DNAH9: variants seen among roughly 807,000 people sequenced by gnomAD.
The protein encoded by DNAH9 is DNAH9 variant protein.
In DNAH9, 345 loss-of-function variants were observed where a neutral mutation model predicts 471.6. The ratio of observed to expected loss-of-function variants is 0.73; its 90% CI spans 0.67 to 0.80. The LOEUF (loss-of-function observed/expected upper bound fraction) is 0.80, where lower values mean the gene tolerates loss of function less well. DNAH9 is among the 30% of genes least tolerant of loss of function. DNAH9 has a pLI of 0.00. For missense variants in DNAH9, 5,407 were observed against 5,609.2 expected (o/e 0.96, Z 1.15); for synonymous variants, 2,093 against 2,123.6 (o/e 0.99, Z 0.40).
At chr17:11,857,413 G>A (rs1971664800) in intron 50 of DNAH9, among the ~76,000 whole-genome samples, 1 of 152,082 alleles carries the variant, frequency 6.6e-6, no homozygotes, top group Non-Finnish European at 1.5e-5. Flanking sequence ...AATAACACAG[G>A]AGATGGGCTA....
In DNAH9 at chr17:11,942,372, A is replaced by T. The variant is rs750058898; in HGVS notation, c.12730A>T (p.Lys4244Ter). 8 of 1,614,110 alleles carry T rather than the reference A, an allele frequency of 5.0e-6. No homozygotes were observed. Among genetic ancestry groups the T allele is most frequent in the Non-Finnish European group, 5.9e-6 (7 of 1,180,046 alleles). The stretch of plus-strand genomic sequence containing the variant: ...GTTTAACATCCCAGAACTGATGGCC[A>T]AAGTGGAGGAGCGCACCCCTTACAT... ...DEFNIPELMAKVEERTPYIVV... is the reference protein window; with the variant it reads ...DEFNIPELMA Residue 4244 changes from lysine to a stop codon, truncating the protein, a stop_gained, in exon 67 of 69, where the codon AAA becomes TAA. Transcript: ENST00000262442. LOFTEE classifies it high-confidence loss of function.
chr17:11,859,565 C>A (rs1971765517), intron 50 of DNAH9, among the ~76,000 whole-genome samples: 1 of 152,092 alleles, frequency 6.6e-6, no homozygotes, highest in African/African-American at 2.4e-5. Flanking sequence ...TAAAGAAATA[C>A]CTGAGGCTGG....
intron 7 of DNAH9, among the ~76,000 whole-genome samples, chr17:11,632,030 G>A (rs1275600614): frequency 3.9e-5 from 6 of 152,056 alleles, no homozygotes; most frequent in African/African-American, 1.2e-4. Flanking sequence ...TGAGTGCCTC[G>A]TAGTTTTATT....
intron 61 of DNAH9, among the ~76,000 whole-genome samples, chr17:11,912,397 G>T (rs1373240908): frequency 6.6e-6 from 1 of 151,976 alleles, no homozygotes; most frequent in Admixed American, 6.6e-5. Flanking sequence ...TGATCTAAGG[G>T]GAAAAAAATC....
chr17:11,840,977 G>A (rs576792927), intron 49 of DNAH9, among the ~76,000 whole-genome samples: 4 of 152,186 alleles, frequency 2.6e-5, no homozygotes, highest in East Asian at 3.9e-4. Context: ...AACTTCTTAC[G>A]GAAACAATAG....
Position 11,705,039 on chromosome 17 carries a change from G to T in DNAH9, c.5406G>T (p.Gln1802His). Residue 1802 changes from glutamine (Q) to histidine (H), a missense_variant, in exon 26 of 69, where the codon CAG (glutamine) becomes CAT (histidine). This residue lies in a region of DNAH9 where 4,636 missense variants were observed against 4,900.3 expected (regional missense o/e 0.95). Transcript: ENST00000262442. Reference sequence around the variant, plus strand: ...TCTCTCTTTAGGTAGACAATGCCCAGGCTTTCCTCTGGCTGTCTCAGCTGC... The same window carrying T: ...TCTCTCTTTAGGTAGACAATGCCCATGCTTTCCTCTGGCTGTCTCAGCTGC... ...KMIAQKVDNA[Q>H]AFLWLSQLRH... 1 of 1,614,184 alleles carries T rather than the reference G, an allele frequency of 6.2e-7. No homozygotes were observed. The highest frequency in any genetic ancestry group is 8.5e-7 in the Non-Finnish European group (1 of 1,180,004).
chr17:11,968,248 T>C (rs1192811754), intron 68 of DNAH9, among the ~76,000 whole-genome samples: 1 of 152,218 alleles, frequency 6.6e-6, no homozygotes, highest in Non-Finnish European at 1.5e-5. Context: ...GCCATACACA[T>C]TCATCTCTAT....
At chr17:11,923,602 C>A (rs529057263) in intron 61 of DNAH9, among the ~76,000 whole-genome samples, 2 of 152,176 alleles carry the variant, frequency 1.3e-5, no homozygotes, top group Non-Finnish European at 2.9e-5. Flanking sequence ...TGAGCCACTG[C>A]GCCCGGCTCA....
At position 11,651,396 on chromosome 17, in the gene DNAH9, C is replaced by A. The variant is rs535527833; in HGVS notation, c.2353+72C>A. The A allele has an allele frequency of 1.2e-4, 167 of 1,431,992 alleles. 1 individual carries two copies. The African/African-American group carries it at 2.1e-3, about 18-fold the overall frequency. The allele number at this position is 1,431,992 out of a possible 1,614,324, so 88.7% of individuals were successfully genotyped here. On this transcript the variant is annotated intron_variant, in intron 13 of 68. Transcript: ENST00000262442. ...GATCTAATAAAGTTCATAGAACCTC[C>A]AATTATTCCCTGGTAATCTTATTTG...
intron 49 of DNAH9, chr17:11,853,224 T>C (rs1567849400): frequency 6.6e-6 from 1 of 151,938 alleles, no homozygotes; most frequent in Admixed American, 6.6e-5. Context: ...CAACAGAAAA[T>C]TAGAATTCCC....
At chr17:11,646,552 T>C (rs1291864306) in intron 11 of DNAH9, among the ~76,000 whole-genome samples, 2 of 152,200 alleles carry the variant, frequency 1.3e-5, no homozygotes, top group Non-Finnish European at 2.9e-5. Context: ...CACAACTTCC[T>C]TATCCCCTCA....
intron 68 of DNAH9, among the ~76,000 whole-genome samples, chr17:11,968,247 A>G (rs907243234): frequency 6.6e-6 from 1 of 152,166 alleles, no homozygotes; most frequent in African/African-American, 2.4e-5. Flanking sequence ...TGCCATACAC[A>G]TTCATCTCTA....
intron 19 of DNAH9, among the ~76,000 whole-genome samples, chr17:11,683,858 C>T (rs774828461): frequency 2.6e-5 from 4 of 152,150 alleles, no homozygotes; most frequent in Admixed American, 1.3e-4. Context: ...TGGTGTATTT[C>T]TCTTCTTGTC....
intron 8 of DNAH9, among the ~76,000 whole-genome samples, chr17:11,633,629 C>G (rs1051084332): frequency 6.6e-6 from 1 of 152,202 alleles, no homozygotes; most frequent in Non-Finnish European, 1.5e-5. Flanking sequence ...AGATTCCCCT[C>G]TCCAAGCATT....
chr17:11,702,783 G>A (rs2074623833), intron 24 of DNAH9, among the ~76,000 whole-genome samples: 1 of 152,118 alleles, frequency 6.6e-6, no homozygotes, highest in Non-Finnish European at 1.5e-5. Flanking sequence ...GGGCTGAGGA[G>A]TGGGAAAAGG....
intron 67 of DNAH9, among the ~76,000 whole-genome samples, chr17:11,948,284 A>G (rs1428536619): frequency 7.7e-6 from 1 of 130,324 alleles, no homozygotes; most frequent in East Asian, 2.3e-4. Context: ...GCTGGAGTGC[A>G]GTGACACGAT....
At chr17:11,821,894 C>T (rs1470465121) in intron 45 of DNAH9, 26 bp from the exon 46 acceptor site, 1 of 1,599,302 alleles carries the variant, frequency 6.3e-7, no homozygotes, top group Non-Finnish European at 8.5e-7. Flanking sequence ...GCCAAGGCTG[C>T]CTATCTGTGC....
intron 1 of DNAH9, among the ~76,000 whole-genome samples, chr17:11,602,238 CTG>C (rs2072401790): frequency 6.6e-6 from 1 of 152,202 alleles, no homozygotes; most frequent in African/African-American, 2.4e-5. Context: ...AGGTCCAAAA[CTG>C]TCTTGCAGGG....
chr17:11,883,875 T>A, intron 56 of DNAH9, 125 bp downstream of exon 56: 1 of 1,089,428 alleles, frequency 9.2e-7, no homozygotes, highest in South Asian at 1.7e-5. Flanking sequence ...CTTTTCTGTC[T>A]TAGCAAGGTT....
Sources: gnomAD v4.1 joint callset for allele counts (sites outside exome capture counted in the v4.1 genomes callset) on GRCh38, gnomAD v4.1.1 for gene constraint, gnomAD v4.1.1 regional missense constraint, MANE v1.5 for transcripts, NCBI Gene and HGNC (gene_info 2026-07-23, HGNC 2026-07-21) for gene names.